LAMP1: variants seen among roughly 807,000 people sequenced by gnomAD.
LAMP1 encodes the protein lysosome-associated membrane glycoprotein 1.
A neutral mutation model predicts 37.5 loss-of-function variants in LAMP1; 7 were observed. The observed-to-expected ratio is 0.19, with a 90% CI of 0.11 to 0.35. The LOEUF is 0.35. Ranked by LOEUF, LAMP1 falls within the 10% of genes least tolerant of loss-of-function variation. LAMP1 has a pLI of 1.00. For synonymous variants in LAMP1, 236 were observed against 229.1 expected, an observed-to-expected ratio of 1.03 and a Z score of -0.27; for missense variants, 537 against 552.8, an observed-to-expected ratio of 0.97 and a Z score of 0.29.
At chr13:113,322,151 A>G in intron 8 of LAMP1, 131 bp from the exon 9 acceptor site, 1 of 1,064,042 alleles carries the variant, frequency 9.4e-7, no homozygotes, top group Non-Finnish European at 1.4e-6. Flanking sequence ...TGACAATTCC[A>G]GCTAGAGCTG....
chr13:113,298,414 G>T (rs1190301189), intron 1 of LAMP1, among the ~76,000 whole-genome samples: 1 of 83,504 alleles, frequency 1.2e-5, no homozygotes, highest in African/African-American at 4.6e-5. Flanking sequence ...TCCTCCCCCC[G>T]CCGCCCTCCC....
intron 2 of LAMP1, 90 bp downstream of exon 2, chr13:113,306,696 AT>A: frequency 6.9e-7 from 1 of 1,440,100 alleles, no homozygotes; most frequent in African/African-American, 1.4e-5. Context: ...AAATGGCCCC[AT>A]CTGAACATGG....
chr13:113,302,974 G>A (rs2042581732), intron 1 of LAMP1, among the ~76,000 whole-genome samples: 1 of 152,244 alleles, frequency 6.6e-6, no homozygotes, highest in Non-Finnish European at 1.5e-5. Context: ...CATTCCAAGT[G>A]CTTGTTAAAT....
intron 4 of LAMP1, among the ~76,000 whole-genome samples, chr13:113,311,634 A>C (rs888005821): frequency 7.9e-5 from 12 of 152,138 alleles, no homozygotes; most frequent in Non-Finnish European, 1.8e-4. Context: ...GTACCTGCTA[A>C]CCCAGCCGCC....
chr13:113,308,382 G>A (rs2042611655), intron 2 of LAMP1, among the ~76,000 whole-genome samples: 1 of 133,394 alleles, frequency 7.5e-6, no homozygotes, highest in African/African-American at 2.9e-5. Flanking sequence ...ACCCAGGCTG[G>A]AGTACAATGG....
chr13:113,300,502 A>G (rs9604061), intron 1 of LAMP1, among the ~76,000 whole-genome samples: 2,959 of 149,874 alleles, frequency 0.02, 111 homozygotes, highest in African/African-American at 0.069. Context: ...AAAAAAAAAA[A>G]AAAGAAAAAG....
chr13:113,310,629 C>A, intron 3 of LAMP1, 80 bp from the exon 4 acceptor site: 2 of 1,102,392 alleles, frequency 1.8e-6, no homozygotes, highest in Admixed American at 2.6e-5. Flanking sequence ...CTATAACTGA[C>A]ATCAGGGCTA....
In LAMP1 at chr13:113,321,525, C is replaced by T. The variant is rs756503226; in HGVS notation, c.944-32C>T. On this transcript the variant is annotated intron_variant, in intron 7 of 8. Coordinates refer to ENST00000332556, the MANE Select transcript of LAMP1 (RefSeq NM_005561.4). This position sits in a 1 kb window ranked among gnomAD's most constrained non-coding sequence, Gnocchi z 5.6. Reference sequence around the variant, plus strand: ...CCCCCGCCCGCGCGCCCAGGGTATTCTGGAGCCACTAGACCTCTGTGTGTG... The same window carrying T: ...CCCCCGCCCGCGCGCCCAGGGTATTTTGGAGCCACTAGACCTCTGTGTGTG... 4 of 1,613,442 alleles carry T rather than the reference C, an allele frequency of 2.5e-6. No homozygotes were observed. The highest frequency in any genetic ancestry group is 3.4e-6 in the Non-Finnish European group (4 of 1,179,902).
At chr13:113,312,177 C>G (rs968518352) in intron 4 of LAMP1, among the ~76,000 whole-genome samples, 1 of 152,190 alleles carries the variant, frequency 6.6e-6, no homozygotes, top group South Asian at 2.1e-4. Context: ...TCTTGCAGGT[C>G]GGCACCCCAT....
Position 113,320,295 on chromosome 13 carries a change from G to A in LAMP1, c.751-50G>A. ...TTCAGGACTGTTTGTCTTTTCGAGAGTGTGGAGGACCTGAGCTAGGGTGGT... is the reference window on the plus strand; with the variant it reads ...TTCAGGACTGTTTGTCTTTTCGAGAATGTGGAGGACCTGAGCTAGGGTGGT... On this transcript the variant is annotated intron_variant, in intron 5 of 8. Transcript: ENST00000332556. This position sits in a 1 kb window ranked among gnomAD's most constrained non-coding sequence, Gnocchi z 4.4. 1 of 1,610,026 alleles carries A rather than the reference G, an allele frequency of 6.2e-7. No homozygotes were observed. The highest frequency in any genetic ancestry group is 8.5e-7 in the Non-Finnish European group (1 of 1,177,158).
intron 4 of LAMP1, among the ~76,000 whole-genome samples, chr13:113,312,975 A>G (rs1179039018): frequency 6.6e-6 from 1 of 152,188 alleles, no homozygotes; most frequent in Non-Finnish European, 1.5e-5. Flanking sequence ...GGGCTGCATC[A>G]ATGTGGCTTG....
chr13:113,308,324 C>CTTTTTTT (rs71101565), intron 2 of LAMP1, among the ~76,000 whole-genome samples: 22 of 60,422 alleles, frequency 3.6e-4, no homozygotes, highest in African/African-American at 6.4e-4. Flanking sequence ...CCTCCAAGCA[C>CTTTTTTT]TTTTTTTTTT....
chr13:113,318,334 T>TGC (rs1555312084), intron 4 of LAMP1, among the ~76,000 whole-genome samples: 3 of 152,276 alleles, frequency 2.0e-5, no homozygotes, highest in Non-Finnish European at 4.4e-5. Context: ...AGGTGACTGA[T>TGC]GGAGTTATGA....
At chr13:113,306,834 C>CCTTT (rs1555311184) in intron 2 of LAMP1, among the ~76,000 whole-genome samples, 5 of 80,142 alleles carry the variant, frequency 6.2e-5, no homozygotes, top group African/African-American at 2.4e-4. Context: ...GAACATTTTC[C>CCTTT]TTTTTTTTTT....
At chr13:113,300,983 G>A (rs1442390283) in intron 1 of LAMP1, among the ~76,000 whole-genome samples, 1 of 152,100 alleles carries the variant, frequency 6.6e-6, no homozygotes, top group Non-Finnish European at 1.5e-5. Flanking sequence ...CCCAGACAAC[G>A]TTACCCTTTC....
intron 4 of LAMP1, 26 bp from the exon 5 acceptor site, chr13:113,319,443 T>G (rs1255352782): frequency 6.4e-7 from 1 of 1,571,450 alleles, no homozygotes; most frequent in Non-Finnish European, 8.7e-7. Context: ...AACCCAGACC[T>G]GAATCTCCCT....
intron 4 of LAMP1, among the ~76,000 whole-genome samples, chr13:113,317,696 CTTT>C (rs1223185402): frequency 9.7e-5 from 13 of 133,346 alleles, no homozygotes; most frequent in African/African-American, 2.2e-4. Context: ...CGTGAAGCTG[CTTT>C]TTTTTTTTTT....
At chr13:113,308,324 CTTTTTTTTT>C (rs71101565) in intron 2 of LAMP1, among the ~76,000 whole-genome samples, 3 of 60,426 alleles carry the variant, frequency 5.0e-5, no homozygotes, top group Admixed American at 2.9e-4. Flanking sequence ...CCTCCAAGCA[CTTTTTTTTT>C]TTTTTTTTTT....
In LAMP1 at chr13:113,306,834, C is replaced by CTTTTCTT. The variant is rs1555311185; in HGVS notation, c.183+232_183+233insCTTTTTT. Among the ~76,000 whole-genome samples, 6 of 80,164 alleles carry CTTTTCTT rather than the reference C, an allele frequency of 7.5e-5. No individual in the cohort carries two copies. The East Asian group carries it at 2.4e-3, about 32-fold the overall frequency. 52.6% of individuals were successfully genotyped at this position (80,164 alleles called of 152,430 possible). On this transcript the variant is annotated intron_variant, in intron 2 of 8. Coordinates refer to ENST00000332556, the MANE Select transcript of LAMP1 (RefSeq NM_005561.4). Reference sequence around the variant, plus strand: ...CTCACTGTTCATCATGAACATTTTCCTTTTTTTTTTTTTTTTTTTTTTTGA... The same window carrying CTTTTCTT: ...CTCACTGTTCATCATGAACATTTTCCTTTTCTTTTTTTTTTTTTTTTTTTTTTTTTGA...
Sources: allele counts gnomAD v4.1 joint callset (sites outside exome capture counted in the v4.1 genomes callset), GRCh38; gene constraint gnomAD v4.1.1; non-coding constraint Gnocchi (gnomAD v3.1); transcripts MANE v1.5; gene names NCBI Gene and HGNC (gene_info 2026-07-23, HGNC 2026-07-21).